The following PHYKPL variants were observed in gnomAD, a reference collection of about 807,000 sequenced individuals.
PHYKPL encodes the protein 5-phosphohydroxy-L-lysine phospho-lyase, also known as 5-phosphonooxy-L-lysine phospho-lyase.
PHYKPL carries 42 observed loss-of-function variants against 51.3 expected under a neutral mutation model. That is an observed-to-expected ratio of 0.82 (90% CI 0.64 to 1.06). The LOEUF is 1.06. Among genes scored for constraint, PHYKPL ranks in the 50% least tolerant of loss-of-function variants. The pLI is 0.00. For synonymous variants in PHYKPL, 264 were observed against 236.0 expected, an observed-to-expected ratio of 1.12 and a Z score of -1.09; for missense variants, 655 against 586.6, an observed-to-expected ratio of 1.12 and a Z score of -1.20.
chr5:178,214,936 G>A (rs539251612), intron 9 of PHYKPL, 51 bp from the exon 10 acceptor site: 2 of 1,558,390 alleles, frequency 1.3e-6, no homozygotes, highest in Middle Eastern at 2.2e-4. Context: ...AGGGGCCAGG[G>A]TGCTGGCCTC....
intron 6 of PHYKPL, chr5:178,223,337 G>T (rs1044116246): frequency 8.7e-6 from 4 of 457,436 alleles, no homozygotes; most frequent in South Asian, 3.1e-5. Context: ...CTGCAGATTT[G>T]CCTGTTTCTT....
At chr5:178,231,587 C>T in intron 1 of PHYKPL, 64 bp from the exon 2 acceptor site, 3 of 1,611,378 alleles carry the variant, frequency 1.9e-6, no homozygotes, top group South Asian at 1.1e-5. Context: ...GTCTACTCAT[C>T]GCAGACCCCC....
At chr5:178,223,579 A>G in intron 6 of PHYKPL, 1 of 427,402 alleles carries the variant, frequency 2.3e-6, no homozygotes, top group South Asian at 1.6e-5. Flanking sequence ...TGTTGCAATC[A>G]GAGCAATCTC....
intron 8 of PHYKPL, among the ~76,000 whole-genome samples, chr5:178,217,382 G>A (rs1760026145): frequency 6.6e-6 from 1 of 151,784 alleles, no homozygotes; most frequent in South Asian, 2.1e-4. Flanking sequence ...CACCACATCT[G>A]GCTAATTTTT....
chr5:178,217,992 C>T (rs1266234868), intron 8 of PHYKPL, among the ~76,000 whole-genome samples: 6 of 147,680 alleles, frequency 4.1e-5, no homozygotes, highest in East Asian at 2.1e-4. Context: ...CCGAGACGGG[C>T]GGATCACGAG....
intron 3 of PHYKPL, among the ~76,000 whole-genome samples, chr5:178,229,309 T>C: frequency 6.6e-6 from 1 of 152,284 alleles, no homozygotes; most frequent in Non-Finnish European, 1.5e-5. Context: ...GGTTTCGCCC[T>C]GTTGGCCGGG....
intron 1 of PHYKPL, chr5:178,232,265 G>A (rs1322627308): frequency 4.9e-6 from 6 of 1,234,156 alleles, no homozygotes; most frequent in African/African-American, 4.8e-5. Flanking sequence ...TGGAGACGGC[G>A]CTGTCGGGGA....
intron 8 of PHYKPL, among the ~76,000 whole-genome samples, chr5:178,221,869 C>G (rs528867655): frequency 6.6e-6 from 1 of 152,354 alleles, no homozygotes; most frequent in African/African-American, 2.4e-5. Flanking sequence ...CTGCCATCCT[C>G]TCACCTACCC....
intron 1 of PHYKPL, chr5:178,232,195 AGCGAGGCTGACAC>A: frequency 1.6e-6 from 2 of 1,243,594 alleles, no homozygotes; most frequent in Non-Finnish European, 2.0e-6. Flanking sequence ...AAGGCTGCCA[AGCGAGGCTGACAC>A]AGCCGAACAG....
At chr5:178,208,195 G>C (rs1372365594), downstream of PHYKPL, among the ~76,000 whole-genome samples, 1 of 152,162 alleles carries the variant, frequency 6.6e-6, no homozygotes, top group Non-Finnish European at 1.5e-5. Flanking sequence ...GCCTGCAGTG[G>C]CAGGGTGTGG....
intron 6 of PHYKPL, chr5:178,223,457 G>A (rs1459274146): frequency 2.2e-6 from 1 of 456,156 alleles, no homozygotes; most frequent in Non-Finnish European, 4.4e-6. Context: ...TGTCACTGTT[G>A]TTTAAAACCC....
rs775334446 is a variant in PHYKPL at position 178,232,501 on chromosome 5, C to G, written c.50G>C (p.Arg17Pro). 24 of 1,354,982 alleles carry G rather than the reference C, an allele frequency of 1.8e-5. No homozygotes were observed. Among genetic ancestry groups the G allele is most frequent in the Non-Finnish European group, 1.4e-5 (15 of 1,062,680 alleles). 83.9% of individuals were successfully genotyped at this position (1,354,982 alleles called of 1,614,324 possible). The change falls in exon 1 of 13, where the codon CGG becomes CCG. Residue 17 changes from arginine to proline, a missense_variant. By Grantham distance (103) the Arg-to-Pro change is moderately radical (BLOSUM62 -2). Coordinates refer to ENST00000308158, the MANE Select transcript of PHYKPL (RefSeq NM_153373.4). ...PKADTLALRQ[R>P]LISSSCRLFF... ...CCCCCCGCCCGGGTACCTGATGAGC[C>G]GTTGCCTCAGGGCCAGCGTGTCGGC...
At chr5:178,207,332 G>C (rs1490738049), downstream of PHYKPL, 26 of 1,339,070 alleles carry the variant, frequency 1.9e-5, no homozygotes, top group African/African-American at 2.9e-5. Flanking sequence ...AGGTTGGTCA[G>C]ACTTTACTAT....
chr5:178,210,220 C>T (rs1318984642), intron 12 of PHYKPL: 1 of 1,613,152 alleles, frequency 6.2e-7, no homozygotes, highest in African/African-American at 1.3e-5. Context: ...GCTATGGCGG[C>T]TACGACTACT....
chr5:178,223,657 G>A (rs914314258), intron 6 of PHYKPL: 3 of 352,996 alleles, frequency 8.5e-6, no homozygotes, highest in Non-Finnish European at 1.7e-5. Flanking sequence ...CCCTGGTCGG[G>A]TTCTGCTAAC....
chr5:178,231,785 T>C (rs1379928800), intron 1 of PHYKPL: 1 of 1,439,004 alleles, frequency 6.9e-7, no homozygotes, highest in Non-Finnish European at 9.3e-7. Flanking sequence ...CTTGCTCATT[T>C]CTGCATGTGT....
chr5:178,224,532 G>A lies in PHYKPL; in HGVS notation c.534C>T (p.Tyr178=), dbSNP rs1223795156. 3 of 1,614,108 alleles carry A rather than the reference G, an allele frequency of 1.9e-6. No homozygotes were observed. Among genetic ancestry groups the A allele is most frequent in the African/African-American group, 2.7e-5 (2 of 75,068 alleles). Reference sequence around the variant, plus strand: ...TAGCTGGGTTGGGGTGGTCCTCCCGGTAGGGGCCCCGGTAGGTGTCTGGGA... The same window carrying A: ...TAGCTGGGTTGGGGTGGTCCTCCCGATAGGGGCCCCGGTAGGTGTCTGGGA... ...APLPDTYRGP[Y]REDHPNPAMA... is the part of the protein sequence containing the mutation. The change falls in exon 6 of 13, where the codon TAC becomes TAT. Residue 178 remains tyrosine (Y), a synonymous_variant. Transcript: ENST00000308158.
intron 12 of PHYKPL, chr5:178,210,380 C>G (rs973432069): frequency 3.2e-6 from 5 of 1,583,062 alleles, no homozygotes; most frequent in Non-Finnish European, 4.3e-6. Context: ...ACAGGCCTGG[C>G]TCAGCCATGG....
intron 10 of PHYKPL, 142 bp from the exon 11 acceptor site, chr5:178,213,245 TCCCA>T: frequency 1.7e-6 from 2 of 1,143,752 alleles, no homozygotes; most frequent in Non-Finnish European, 1.2e-6. Context: ...TGGTCACCTC[TCCCA>T]GAGTCCTGTG....
Sources: gnomAD v4.1 joint callset for allele counts (sites outside exome capture counted in the v4.1 genomes callset) on GRCh38, gnomAD v4.1.1 for gene constraint, MANE v1.5 for transcripts, NCBI Gene and HGNC (gene_info 2026-07-23, HGNC 2026-07-21) for gene names.